Variants in FAM209A observed in about 807,000 individuals in gnomAD.
FAM209A encodes the protein family with sequence similarity 209 member A.
Under a neutral mutation model 9.8 loss-of-function variants are expected in FAM209A, and 4 were observed. That is an observed-to-expected ratio of 0.41 (90% CI 0.20 to 0.94). The LOEUF (loss-of-function observed/expected upper bound fraction) is 0.94. Among genes scored for constraint, FAM209A ranks in the 40% least tolerant of loss-of-function variants. FAM209A has a pLI of 0.32. For synonymous variants in FAM209A, 55 were observed against 77.8 expected, an observed-to-expected ratio of 0.71 and a Z score of 1.54; for missense variants, 205 against 209.4, an observed-to-expected ratio of 0.98 and a Z score of 0.13.
chr20:56,533,590 G>A, the FAM209A span: 1 of 1,613,584 alleles, frequency 6.2e-7, no homozygotes, highest in African/African-American at 1.3e-5. Flanking sequence ...AGAAGAATAA[G>A]GTAAGGATGG....
the FAM209A span, among the ~76,000 whole-genome samples, chr20:56,531,974 CTTTTT>C: frequency 1.2e-4 from 14 of 113,034 alleles, no homozygotes; most frequent in African/African-American, 4.0e-4. Context: ...CTTTTCTTTT[CTTTTT>C]TTTTTTTTTT....
chr20:56,528,578 G>A (rs1252843995), downstream of FAM209A, among the ~76,000 whole-genome samples: 1 of 152,066 alleles, frequency 6.6e-6, no homozygotes, highest in Non-Finnish European at 1.5e-5. Flanking sequence ...TCCAGCCTGG[G>A]TGACAGAGCC....
the FAM209A span, among the ~76,000 whole-genome samples, chr20:56,532,379 T>C: frequency 1.3e-5 from 2 of 152,096 alleles, no homozygotes; most frequent in Non-Finnish European, 2.9e-5. Flanking sequence ...GGCCACAGGA[T>C]GGATGATTTC....
At position 56,525,997 on chromosome 20, in the gene FAM209A, G is replaced by A. The variant is rs1282333179; in HGVS notation, c.443G>A (p.Arg148Gln). 4 of 1,614,178 alleles carry A rather than the reference G, an allele frequency of 2.5e-6. No individual in the cohort carries two copies. The highest frequency in any genetic ancestry group is 2.5e-6 in the Non-Finnish European group (3 of 1,180,038). ...ATGSGSNLRLRKSEMPADPYH... is the reference protein window; with the variant it reads ...ATGSGSNLRLQKSEMPADPYH... ...GGTAGTGGCAGTAACCTCAGGCTTC[G>A]AAAGTCAGAGATGCCTGCAGATCCA... is the stretch of plus-strand genomic sequence containing the variant. The change falls in exon 2 of 2, where the codon CGA becomes CAA. Residue 148 changes from arginine to glutamine, a missense_variant. Physicochemically the swap from Arg to Gln is conservative, Grantham distance 43. Transcript: ENST00000371328.
chr20:56,533,474 C>T, the FAM209A span: 21 of 1,614,000 alleles, frequency 1.3e-5, no homozygotes, highest in Middle Eastern at 1.6e-4. Context: ...CTTTCGGATT[C>T]GGCAGAACCT....
At chr20:56,531,862 C>T in the FAM209A span, among the ~76,000 whole-genome samples, 1 of 151,446 alleles carries the variant, frequency 6.6e-6, no homozygotes, top group Admixed American at 6.6e-5. Flanking sequence ...CTCCTGACCT[C>T]AGGTGATCTG....
rs776466697 is a variant in FAM209A at position 56,524,912 on chromosome 20, A to C, written c.104A>C (p.Lys35Thr). Residue 35 changes from lysine to threonine, a missense_variant, in exon 1 of 2, where the codon AAG becomes ACG. Coordinates refer to ENST00000371328, the MANE Select transcript of FAM209A (RefSeq NM_001012971.4). ...CAGAAAACTAGCGAACCCCAGGGGAAGGTGCAATACGGAGAGCACTTTCGG... is the reference window on the plus strand; with the variant it reads ...CAGAAAACTAGCGAACCCCAGGGGACGGTGCAATACGGAGAGCACTTTCGG... Reference protein sequence around the residue: ...LRQKTSEPQGKVQYGEHFRIR... With the variant: ...LRQKTSEPQGTVQYGEHFRIR... 15 of 1,613,730 alleles carry C rather than the reference A, an allele frequency of 9.3e-6. No homozygotes were observed. Among genetic ancestry groups the C allele is most frequent in the Non-Finnish European group, 1.3e-5 (15 of 1,179,730 alleles).
chr20:56,531,978 T>C, the FAM209A span, among the ~76,000 whole-genome samples: 1 of 136,540 alleles, frequency 7.3e-6, no homozygotes, highest in African/African-American at 2.8e-5. Flanking sequence ...TCTTTTCTTT[T>C]TTTTTTTTTT....
rs757235149 is a variant in FAM209A at position 56,526,001 on chromosome 20, G to C, written c.447G>C (p.Lys149Asn). 6 of 1,614,194 alleles carry C rather than the reference G, an allele frequency of 3.7e-6. No individual in the cohort carries two copies. Among genetic ancestry groups the C allele is most frequent in the Non-Finnish European group, 4.2e-6 (5 of 1,180,042 alleles). ...GTGGCAGTAACCTCAGGCTTCGAAA[G>C]TCAGAGATGCCTGCAGATCCATACC... ...TGSGSNLRLR[K>N]SEMPADPYHV... Residue 149 changes from lysine (K) to asparagine (N), a missense_variant, in exon 2 of 2, where the codon AAG becomes AAC. Coordinates refer to ENST00000371328, the MANE Select transcript of FAM209A (RefSeq NM_001012971.4).
At position 56,525,810 on chromosome 20, in the gene FAM209A, A is replaced by G. The variant is rs751684911; in HGVS notation, c.256A>G (p.Ser86Gly). ...TGAGTATCTTTCCTGACAGGAGCAG[A>G]GTCCTCCTGGCCTTCGAGGCGGCCA... ...QRDSEKNKEQ[S>G]PPGLRGGQLH... The change falls in exon 2 of 2, where the codon AGT becomes GGT. Residue 86 changes from serine (S) to glycine (G), a missense_variant. Transcript: ENST00000371328. 3.1e-6 allele frequency: 5 copies of G among 1,613,744 alleles called. No individual in the cohort carries two copies. The highest frequency in any genetic ancestry group is 1.7e-5 in the Admixed American group (1 of 59,918).
chr20:56,525,930 T>C lies in FAM209A; in HGVS notation c.376T>C (p.Phe126Leu), dbSNP rs1359443117. 1.2e-6 allele frequency: 2 copies of C among 1,614,194 alleles called. No individual in the cohort carries two copies. The highest frequency in any genetic ancestry group is 8.5e-7 in the Non-Finnish European group (1 of 1,180,040). ...LMELEVELMK[F>L]VSKVRNLKRA... ...GGAACTCGAGGTGGAGCTTATGAAA[T>C]TTGTGTCCAAAGTGCGGAATCTTAA... The change falls in exon 2 of 2, where the codon TTT becomes CTT. Residue 126 changes from phenylalanine to leucine, a missense_variant. Physicochemically the swap from Phe to Leu is conservative, Grantham distance 22 (BLOSUM62 0). Transcript: ENST00000371328.
chr20:56,525,213 T>C (rs1410715866), intron 1 of FAM209A, among the ~76,000 whole-genome samples, 156 bp downstream of exon 1: 3 of 152,158 alleles, frequency 2.0e-5, no homozygotes, highest in African/African-American at 7.2e-5. Context: ...TGATGTATCC[T>C]TAGTGAAGAC....
chr20:56,525,970 C>G lies in FAM209A; in HGVS notation c.416C>G (p.Thr139Arg). Residue 139 changes from threonine to arginine, a missense_variant, in exon 2 of 2, where the codon ACA (threonine) becomes AGA (arginine). Physicochemically the swap from Thr to Arg is moderately conservative, Grantham distance 71 (BLOSUM62 -1). Transcript: ENST00000371328. ...CGGAATCTTAAACGTGCCATGGCAA[C>G]AGGTAGTGGCAGTAACCTCAGGCTT... ...KVRNLKRAMA[T>R]GSGSNLRLRK... The G allele has an allele frequency of 6.2e-7, 1 of 1,614,186 alleles. No homozygotes were observed. The highest frequency in any genetic ancestry group is 8.5e-7 in the Non-Finnish European group (1 of 1,180,036).
downstream of FAM209A, among the ~76,000 whole-genome samples, chr20:56,527,212 T>G (rs1410648927): frequency 6.6e-6 from 1 of 150,630 alleles, no homozygotes; most frequent in African/African-American, 2.4e-5. Context: ...ACAGGTGTGT[T>G]TTTTTTTTTG....
chr20:56,533,312 G>T, the FAM209A span: 1 of 1,611,758 alleles, frequency 6.2e-7, no homozygotes, highest in South Asian at 1.1e-5. Context: ...AACCCGTCAT[G>T]AGCAACTCCC....
At chr20:56,530,644 G>A (rs1985711258), downstream of FAM209A, among the ~76,000 whole-genome samples, 1 of 150,336 alleles carries the variant, frequency 6.7e-6, no homozygotes, top group African/African-American at 2.5e-5. Flanking sequence ...TTACAGGCAT[G>A]CACCACCACA....
At chr20:56,529,268 G>A (rs982701514), downstream of FAM209A, among the ~76,000 whole-genome samples, 1 of 152,016 alleles carries the variant, frequency 6.6e-6, no homozygotes, top group South Asian at 2.1e-4. Flanking sequence ...TGTAATCCCA[G>A]CACTTTGGGA....
chr20:56,532,839 C>A, the FAM209A span, among the ~76,000 whole-genome samples: 3 of 152,056 alleles, frequency 2.0e-5, no homozygotes, highest in African/African-American at 7.2e-5. Context: ...GAAATACCCA[C>A]CCCCCACAAC....
At chr20:56,526,262 T>C (rs1985527507), downstream of FAM209A, 7 of 682,692 alleles carry the variant, frequency 1.0e-5, no homozygotes, top group Non-Finnish European at 1.6e-5. Flanking sequence ...TCTCACGTCA[T>C]CTAGAGCTGT....
Sources: gnomAD v4.1 joint callset for allele counts (sites outside exome capture counted in the v4.1 genomes callset) on GRCh38, gnomAD v4.1.1 for gene constraint, MANE v1.5 for transcripts, NCBI Gene and HGNC (gene_info 2026-07-23, HGNC 2026-07-21) for gene names.